The following ESCO2 variants were observed in gnomAD, a reference collection of about 807,000 sequenced individuals.
ESCO2 encodes N-acetyltransferase ESCO2.
In ESCO2, 51 loss-of-function variants were observed where a neutral mutation model predicts 61.7. That is an observed-to-expected ratio of 0.83 (90% CI 0.66 to 1.04). The LOEUF is 1.04. Among genes scored for constraint, ESCO2 ranks in the 50% least tolerant of loss-of-function variants. The probability of loss-of-function intolerance (pLI) is 0.00; values close to 1 mark genes in which losing one functional copy is unlikely to be tolerated. For synonymous variants in ESCO2, 230 were observed against 238.2 expected (o/e 0.97, Z 0.32); for missense variants, 692 against 686.2 (o/e 1.01, Z -0.09).
chr8:27,806,891 T>C (rs1440579061), downstream of ESCO2, among the ~76,000 whole-genome samples: 1 of 152,192 alleles, frequency 6.6e-6, no homozygotes, highest in Non-Finnish European at 1.5e-5. Flanking sequence ...CCTGGGATTA[T>C]AGGCATGAGC....
chr8:27,801,353 A>T (rs1805420105), intron 10 of ESCO2, among the ~76,000 whole-genome samples: 1 of 152,202 alleles, frequency 6.6e-6, no homozygotes, highest in Admixed American at 6.5e-5. Flanking sequence ...GAATAGTGTT[A>T]TTCAAGCCTC....
chr8:27,788,270 T>A (rs150122460), intron 6 of ESCO2, among the ~76,000 whole-genome samples: 23 of 152,304 alleles, frequency 1.5e-4, no homozygotes, highest in African/African-American at 5.5e-4. Flanking sequence ...GGAAAAATAT[T>A]GTATAATTAA....
intron 9 of ESCO2, among the ~76,000 whole-genome samples, chr8:27,798,850 CAG>C (rs1032590337): frequency 1.3e-5 from 2 of 152,054 alleles, no homozygotes; most frequent in Admixed American, 6.6e-5. Context: ...TGGTGGTTGT[CAG>C]GGACTGAGGA....
downstream of ESCO2, among the ~76,000 whole-genome samples, chr8:27,816,771 T>C (rs1055898657): frequency 6.6e-6 from 1 of 152,102 alleles, no homozygotes; most frequent in African/African-American, 2.4e-5. Context: ...TCTTCATATA[T>C]GTAAATACAT....
chr8:27,818,686 G>A, the ESCO2 span, among the ~76,000 whole-genome samples: 3 of 151,826 alleles, frequency 2.0e-5, no homozygotes, highest in South Asian at 6.2e-4. Context: ...ATTTATCTCA[G>A]TTTCTAATGT....
chr8:27,772,837 G>A (rs118093108), upstream of ESCO2, among the ~76,000 whole-genome samples: 280 of 152,338 alleles, frequency 1.8e-3, 2 homozygotes, highest in East Asian at 0.049. Flanking sequence ...AAATGAAGAT[G>A]ATACTAGAGC....
At chr8:27,772,615 G>A, upstream of ESCO2, 2 of 1,465,698 alleles carry the variant, frequency 1.4e-6, no homozygotes, top group Non-Finnish European at 1.9e-6. Context: ...TACCAGACTC[G>A]CGGCGGCCGC....
In ESCO2 at chr8:27,802,651, ATATAT is replaced by A. The variant is rs1341614668; in HGVS notation, c.1674-649_1674-645del. On this transcript the variant is annotated intron_variant, in intron 10 of 10. Coordinates refer to ENST00000305188, the MANE Select transcript of ESCO2 (RefSeq NM_001017420.3). Reference sequence around the variant, plus strand: ...AAAAAATATATATATATATATATATATATATTATATATATATATATATAGTTACTG... The same window carrying A: ...AAAAAATATATATATATATATATATATATATATATATATATATAGTTACTG... 2.7e-3 allele frequency among the ~76,000 whole-genome samples: 197 copies of A among 72,792 alleles called. 6 individuals carry two copies. The highest frequency in any genetic ancestry group is 3.4e-3 in the African/African-American group (55 of 16,280). The allele number at this position is 72,792 out of a possible 152,430, so 47.8% of individuals were successfully genotyped here. A position where few individuals can be genotyped will look rare whatever the true frequency, so the allele number is the denominator to read the frequency against.
chr8:27,775,984 G>A (rs1048556193), intron 2 of ESCO2, among the ~76,000 whole-genome samples: 2 of 152,164 alleles, frequency 1.3e-5, no homozygotes, highest in Non-Finnish European at 2.9e-5. Context: ...ACTCTACCCA[G>A]GAAAAGCCCC....
In ESCO2 at chr8:27,792,055, A is replaced by C; in HGVS notation, c.1353+3A>C. On this transcript the variant is annotated splice_donor_region_variant and intron_variant, in intron 8 of 10. Transcript: ENST00000305188. ...ATCCAAGCTTTGCTATCAAAAAGGTATGGAACATTATCTTTTTATCTCTTG... is the reference window on the plus strand; with the variant it reads ...ATCCAAGCTTTGCTATCAAAAAGGTCTGGAACATTATCTTTTTATCTCTTG... The C allele has an allele frequency of 6.2e-7, 1 of 1,613,996 alleles. No homozygotes were observed. Among genetic ancestry groups the C allele is most frequent in the Non-Finnish European group, 8.5e-7 (1 of 1,179,890 alleles).
chr8:27,772,275 T>C (rs1804651702), upstream of ESCO2, among the ~76,000 whole-genome samples: 1 of 152,160 alleles, frequency 6.6e-6, no homozygotes, highest in Admixed American at 6.5e-5. Flanking sequence ...AACTCCCCGA[T>C]ACAAACATAG....
downstream of ESCO2, chr8:27,808,212 G>T: frequency 8.1e-7 from 1 of 1,240,260 alleles, no homozygotes; most frequent in Non-Finnish European, 1.0e-6. Context: ...AGATTAAATA[G>T]GTACCAGGAG....
downstream of ESCO2, among the ~76,000 whole-genome samples, chr8:27,807,811 G>T (rs976095107): frequency 2.0e-5 from 3 of 152,104 alleles, no homozygotes; most frequent in East Asian, 1.9e-4. Flanking sequence ...TAATACCATC[G>T]TAAGTAGTGT....
rs555742667 is a variant in ESCO2, at chr8:27,798,473, A to C, written c.1498-1068A>C. 1.4e-3 allele frequency among the ~76,000 whole-genome samples: 212 copies of C among 151,992 alleles called. 1 individual carries two copies. Among genetic ancestry groups the C allele is most frequent in the Admixed American group, 1.9e-3 (29 of 15,282 alleles). ...GACTCCGTCTCTTTAAAAAAAAAAA[A>C]AACTAAACATGTATTTACTATATGA... On this transcript the variant is annotated intron_variant, in intron 9 of 10. Coordinates refer to ENST00000305188, the MANE Select transcript of ESCO2 (RefSeq NM_001017420.3).
At chr8:27,790,161 C>G (rs963550483) in intron 7 of ESCO2, among the ~76,000 whole-genome samples, 4 of 152,216 alleles carry the variant, frequency 2.6e-5, no homozygotes, top group African/African-American at 4.8e-5. Flanking sequence ...GCTCTAAGCT[C>G]CTGCCGCTGG....
Position 27,804,665 on chromosome 8 carries a change from T to C in ESCO2, c.*1227T>C. ...AGTCGTTTTCCAGATTGTAATTATA[T>C]GTAGAAACTATTCATCTGCATTCAT... is the stretch of plus-strand genomic sequence containing the variant. On this transcript the variant is annotated 3_prime_UTR_variant, in exon 11 of 11. Transcript: ENST00000305188. 1.0e-6 allele frequency: 1 copy of C among 985,450 alleles called. No homozygotes were observed. The highest frequency in any genetic ancestry group is 1.2e-6 in the Non-Finnish European group (1 of 829,928). The allele number at this position is 985,450 out of a possible 1,614,324, so 61.0% of individuals were successfully genotyped here.
downstream of ESCO2, chr8:27,811,449 A>G (rs1045836637): frequency 3.0e-5 from 14 of 463,792 alleles, no homozygotes; most frequent in Admixed American, 2.5e-4. Context: ...GTTCAAAGAC[A>G]TGTGTGTGCA....
At chr8:27,779,337 C>T (rs1472426500) in intron 3 of ESCO2, 1 of 152,176 alleles carries the variant, frequency 6.6e-6, no homozygotes, top group East Asian at 1.9e-4. Context: ...CTACTTTAAC[C>T]AAGAGTTTTT....
At chr8:27,813,854 T>C (rs79317546), downstream of ESCO2, among the ~76,000 whole-genome samples, 3,305 of 152,290 alleles carry the variant, frequency 0.022, 138 homozygotes, top group African/African-American at 0.075. Context: ...AATTGGCTAA[T>C]ATTTTGTTAA....
Sources: allele counts gnomAD v4.1 joint callset (sites outside exome capture counted in the v4.1 genomes callset), GRCh38; gene constraint gnomAD v4.1.1; transcripts MANE v1.5; gene names NCBI Gene and HGNC (gene_info 2026-07-23, HGNC 2026-07-21).